SRPK2: variants seen among roughly 807,000 people sequenced by gnomAD.
The protein encoded by SRPK2 is SFRS protein kinase 2.
Under a neutral mutation model 90.8 loss-of-function variants are expected in SRPK2, and 21 were observed. The ratio of observed to expected loss-of-function variants is 0.23; its 90% CI spans 0.16 to 0.33. The LOEUF (loss-of-function observed/expected upper bound fraction) is 0.33. SRPK2 is among the 10% of genes least tolerant of loss of function. SRPK2 has a pLI of 1.00. For synonymous variants in SRPK2, 288 were observed against 311.1 expected (o/e 0.93, Z 0.78); for missense variants, 620 against 869.0 (o/e 0.71, Z 3.60).
chr7:105,398,253 T>A (rs1438550309), intron 1 of SRPK2, among the ~76,000 whole-genome samples: 1 of 152,176 alleles, frequency 6.6e-6, no homozygotes, highest in Non-Finnish European at 1.5e-5. Flanking sequence ...TGGATTATGA[T>A]ATCTCCCAGT....
At position 105,132,781 on chromosome 7, in the gene SRPK2, C is replaced by T; in HGVS notation, c.1752+10G>A. 1 of 1,598,774 alleles carries T rather than the reference C, an allele frequency of 6.3e-7. No individual in the cohort carries two copies. The highest frequency in any genetic ancestry group is 2.3e-5 in the East Asian group (1 of 44,104). On this transcript the variant is annotated intron_variant, in intron 13 of 15. Transcript: ENST00000393651. ...ATTCCCATGGCAGCAAAGGGCACAG[C>T]CGTCCTTACCATACACGCCGTGCTC...
At chr7:105,136,775 A>G (rs371582783) in intron 11 of SRPK2, among the ~76,000 whole-genome samples, 49 of 152,324 alleles carry the variant, frequency 3.2e-4, no homozygotes, top group African/African-American at 1.1e-3. Context: ...GAGGTTCACT[A>G]TGAGGCCCAA....
At chr7:105,287,282 A>AAAG (rs770082066) in intron 2 of SRPK2, among the ~76,000 whole-genome samples, 1 of 53,854 alleles carries the variant, frequency 1.9e-5, no homozygotes, top group Non-Finnish European at 3.4e-5. Context: ...AAAAAAAAAA[A>AAAG]AAGAAGAAAA....
intron 2 of SRPK2, among the ~76,000 whole-genome samples, chr7:105,365,017 A>C (rs1194040538): frequency 6.6e-6 from 1 of 152,194 alleles, no homozygotes; most frequent in East Asian, 1.9e-4. Flanking sequence ...AGCTTTACAG[A>C]CAAGGGCAGT....
chr7:105,389,093 A>C (rs1016953295), upstream of SRPK2, among the ~76,000 whole-genome samples: 3 of 97,144 alleles, frequency 3.1e-5, no homozygotes, highest in Non-Finnish European at 4.2e-5. Context: ...GCCGCCGCCC[A>C]TGGCCGCGCT....
chr7:105,377,361 C>T (rs1000695802), intron 2 of SRPK2, among the ~76,000 whole-genome samples: 10 of 152,070 alleles, frequency 6.6e-5, no homozygotes, highest in African/African-American at 2.2e-4. Context: ...TAAACACTGA[C>T]CAAACAGCTC....
chr7:105,372,389 A>T (rs1190685334), intron 2 of SRPK2, among the ~76,000 whole-genome samples: 2 of 152,180 alleles, frequency 1.3e-5, no homozygotes, highest in African/African-American at 4.8e-5. Flanking sequence ...GTATATCCAT[A>T]AAGTTTACAT....
At chr7:105,314,390 A>AT (rs1161709213) in intron 2 of SRPK2, among the ~76,000 whole-genome samples, 1 of 151,710 alleles carries the variant, frequency 6.6e-6, no homozygotes, top group Non-Finnish European at 1.5e-5. Flanking sequence ...TTCAAAACAC[A>AT]TTTTTTATTT....
chr7:105,129,539 T>TAATTTTTA (rs11281846), intron 13 of SRPK2, among the ~76,000 whole-genome samples: 59,779 of 151,404 alleles, frequency 0.39, 13,908 homozygotes, highest in South Asian at 0.55. Context: ...CATGCCCAGC[T>TAATTTTTA]AATTTTTGTA....
intron 2 of SRPK2, among the ~76,000 whole-genome samples, chr7:105,359,655 T>C (rs1467657119): frequency 2.0e-5 from 3 of 152,210 alleles, no homozygotes; most frequent in East Asian, 3.8e-4. Context: ...CTCATTTCCA[T>C]CAAGTCATCT....
intron 2 of SRPK2, chr7:105,297,531 C>T (rs968110853): frequency 5.1e-6 from 5 of 984,064 alleles, no homozygotes; most frequent in Non-Finnish European, 6.0e-6. Flanking sequence ...TGGTTGTTCA[C>T]TCCTATAAAA....
chr7:105,306,111 CA>C (rs1401738785), intron 2 of SRPK2: 1 of 164,664 alleles, frequency 6.1e-6, no homozygotes, highest in African/African-American at 2.4e-5. Context: ...AGAAAACCAA[CA>C]AAAATGAGGT....
At chr7:105,175,726 G>C (rs1056651523) in intron 3 of SRPK2, among the ~76,000 whole-genome samples, 2 of 151,640 alleles carry the variant, frequency 1.3e-5, no homozygotes, top group Non-Finnish European at 2.9e-5. Flanking sequence ...AGATAGAAGG[G>C]AATATTATCA....
Position 105,315,763 on chromosome 7 carries a change from C to T in SRPK2, c.71+72885G>A, listed in dbSNP as rs960779853. The stretch of plus-strand genomic sequence containing the variant: ...ATTCCTTTGGCAAGTCCAGATATAC[C>T]CCCAACGAACAAATATTCATGGTGA... On this transcript the variant is annotated intron_variant, in intron 2 of 15. Transcript: ENST00000393651. Among the ~76,000 whole-genome samples, 5 of 152,082 alleles carry T rather than the reference C, an allele frequency of 3.3e-5. No homozygotes were observed. The South Asian group carries it at 6.2e-4, about 19-fold the overall frequency.
At chr7:105,260,615 A>T (rs1804093165) in intron 2 of SRPK2, among the ~76,000 whole-genome samples, 1 of 152,246 alleles carries the variant, frequency 6.6e-6, no homozygotes, top group African/African-American at 2.4e-5. Context: ...TCACAATAGC[A>T]AAGACTTGGA....
chr7:105,268,404 T>C (rs1585448609), intron 2 of SRPK2, among the ~76,000 whole-genome samples: 1 of 152,352 alleles, frequency 6.6e-6, no homozygotes, highest in African/African-American at 2.4e-5. Flanking sequence ...ATTTTTAACC[T>C]ACATTTTACA....
chr7:105,360,419 T>C (rs1046796420), intron 2 of SRPK2, among the ~76,000 whole-genome samples: 2 of 152,346 alleles, frequency 1.3e-5, no homozygotes, highest in South Asian at 2.1e-4. Flanking sequence ...CCTGTCATTA[T>C]GATGTTAGCT....
intron 2 of SRPK2, among the ~76,000 whole-genome samples, chr7:105,303,101 T>C (rs943200912): frequency 1.3e-5 from 2 of 151,884 alleles, no homozygotes; most frequent in Non-Finnish European, 2.9e-5. Flanking sequence ...GGAGAAAATG[T>C]GGCACATATA....
chr7:105,289,100 CAAAAAA>C (rs57131530), intron 2 of SRPK2, among the ~76,000 whole-genome samples: 12 of 86,642 alleles, frequency 1.4e-4, no homozygotes, highest in Admixed American at 2.8e-4. Flanking sequence ...ACTTAAAGCA[CAAAAAA>C]AAAAAAAAAA....
Sources: allele counts gnomAD v4.1 joint callset (sites outside exome capture counted in the v4.1 genomes callset), GRCh38; gene constraint gnomAD v4.1.1; transcripts MANE v1.5; gene names NCBI Gene and HGNC (gene_info 2026-07-23, HGNC 2026-07-21).